Variants in CPAMD8 observed in about 807,000 individuals in gnomAD.
CPAMD8 encodes the protein C3 and PZP like alpha-2-macroglobulin domain containing 8, also known as C3 and PZP-like alpha-2-macroglobulin domain-containing protein 8.
In CPAMD8, 146 loss-of-function variants were observed where a neutral mutation model predicts 224.7. The ratio of observed to expected loss-of-function variants is 0.65; its 90% CI spans 0.57 to 0.75. The LOEUF is 0.75. CPAMD8 is among the 30% of genes least tolerant of loss of function. CPAMD8 has a pLI of 0.00. For synonymous variants in CPAMD8, 966 were observed against 1,044.6 expected (o/e 0.92, Z 1.45); for missense variants, 2,301 against 2,537.5 (o/e 0.91, Z 2.00).
chr19:16,970,253 A>AAAAG (rs1568543023), intron 18 of CPAMD8, among the ~76,000 whole-genome samples: 9 of 150,214 alleles, frequency 6.0e-5, no homozygotes, highest in Non-Finnish European at 8.9e-5. Flanking sequence ...AAAAAAAAAA[A>AAAAG]AAAGAAAGAA....
At chr19:16,952,433 T>C (rs183386740) in intron 19 of CPAMD8, among the ~76,000 whole-genome samples, 57 of 152,276 alleles carry the variant, frequency 3.7e-4, no homozygotes, top group Non-Finnish European at 7.4e-5. Context: ...ATACCAGCAC[T>C]CTGAGAGGCC....
In CPAMD8 at chr19:16,938,327, G is replaced by C. The variant is rs1261251907; in HGVS notation, c.2845+68C>G. The C allele has an allele frequency of 3.7e-6, 3 of 802,516 alleles. No homozygotes were observed. The African/African-American group carries it at 5.5e-5, about 15-fold the overall frequency. 49.7% of individuals were successfully genotyped at this position (802,516 alleles called of 1,614,324 possible). On this transcript the variant is annotated intron_variant, in intron 23 of 41. Coordinates refer to ENST00000443236, the MANE Select transcript of CPAMD8 (RefSeq NM_015692.5). ...GGGACAGCCCCCACAGTGTGGGAAA[G>C]GGGGAAGGCCAAAGTCCTGACCCAG...
intron 18 of CPAMD8, among the ~76,000 whole-genome samples, chr19:16,964,476 C>T (rs1568535992): frequency 1.3e-5 from 2 of 152,088 alleles, no homozygotes; most frequent in Non-Finnish European, 2.9e-5. Context: ...TACACCCTCC[C>T]AAGACTAAAC....
chr19:16,911,652 T>C (rs1264520046), intron 29 of CPAMD8, among the ~76,000 whole-genome samples: 1 of 152,166 alleles, frequency 6.6e-6, no homozygotes, highest in Non-Finnish European at 1.5e-5. Context: ...TTCACGCCAT[T>C]CTCCTGCCTC....
intron 41 of CPAMD8, chr19:16,894,206 C>A (rs2051868571): frequency 8.9e-6 from 3 of 337,820 alleles, no homozygotes; most frequent in South Asian, 6.7e-5. Flanking sequence ...AGCTGTCCCC[C>A]CTGCACCACA....
At chr19:16,940,647 G>A (rs1361520235) in intron 22 of CPAMD8, among the ~76,000 whole-genome samples, 1 of 152,182 alleles carries the variant, frequency 6.6e-6, no homozygotes, top group Non-Finnish European at 1.5e-5. Context: ...GGAGATGCTT[G>A]TCCCCACTCA....
chr19:17,007,198 G>A (rs2056515165), intron 7 of CPAMD8, among the ~76,000 whole-genome samples: 1 of 152,138 alleles, frequency 6.6e-6, no homozygotes, highest in Non-Finnish European at 1.5e-5. Flanking sequence ...GCCAGGCCTG[G>A]TGGCACGTGC....
chr19:16,979,386 TCATCCATCCATC>T (rs55698805), intron 14 of CPAMD8, among the ~76,000 whole-genome samples: 6 of 133,452 alleles, frequency 4.5e-5, no homozygotes, highest in African/African-American at 1.2e-4. Flanking sequence ...ATCTGTCCAT[TCATCCATCCATC>T]CATCCATCCA....
At chr19:16,995,611 G>A (rs893927759) in intron 11 of CPAMD8, among the ~76,000 whole-genome samples, 1 of 152,162 alleles carries the variant, frequency 6.6e-6, no homozygotes, top group Non-Finnish European at 1.5e-5. Context: ...ATGTTGGCCA[G>A]GTTGGTCTTG....
intron 17 of CPAMD8, among the ~76,000 whole-genome samples, chr19:16,974,148 T>C (rs2055168583): frequency 1.3e-5 from 2 of 152,076 alleles, no homozygotes; most frequent in East Asian, 1.9e-4. Flanking sequence ...CTTTTTTTTT[T>C]TGAGACGGAG....
intron 23 of CPAMD8, among the ~76,000 whole-genome samples, chr19:16,932,735 C>T (rs913399167): frequency 6.6e-6 from 1 of 151,654 alleles, no homozygotes; most frequent in Non-Finnish European, 1.5e-5. Flanking sequence ...TTTTGGTGTC[C>T]CAGAAAGTGA....
chr19:16,999,720 C>G (rs1416034668), intron 10 of CPAMD8, among the ~76,000 whole-genome samples: 4 of 152,106 alleles, frequency 2.6e-5, no homozygotes, highest in Non-Finnish European at 5.9e-5. Flanking sequence ...CACTATGTTG[C>G]CCAGGCTGGC....
intron 5 of CPAMD8, 102 bp downstream of exon 5, chr19:17,011,362 A>G (rs1463716753): frequency 8.6e-6 from 11 of 1,278,880 alleles, no homozygotes; most frequent in African/African-American, 1.5e-5. Flanking sequence ...GAAAATAGAA[A>G]AGAGAAGTTC....
At position 16,995,314 on chromosome 19, in the gene CPAMD8, C is replaced by G. The variant is rs555549569; in HGVS notation, c.1096-1728G>C. On this transcript the variant is annotated intron_variant, in intron 11 of 41. Coordinates refer to ENST00000443236, the MANE Select transcript of CPAMD8 (RefSeq NM_015692.5). Reference sequence around the variant, plus strand: ...GGCCAGGGATGTGGCCCACTTTCCCCTTGCATGACACTGGGCTCTGTTGGC... The same window carrying G: ...GGCCAGGGATGTGGCCCACTTTCCCGTTGCATGACACTGGGCTCTGTTGGC... Among the ~76,000 whole-genome samples the G allele has an allele frequency of 3.9e-5, 6 of 152,380 alleles. No homozygotes were observed. In the South Asian group the frequency reaches 1.2e-3, roughly 32 times the overall value.
intron 14 of CPAMD8, among the ~76,000 whole-genome samples, chr19:16,978,015 G>C (rs776724224): frequency 3.3e-5 from 5 of 152,074 alleles, no homozygotes; most frequent in Admixed American, 1.3e-4. Context: ...CCTTCCCTGT[G>C]GGTAAATGAT....
chr19:17,007,052 G>A (rs2056510979), intron 7 of CPAMD8, among the ~76,000 whole-genome samples: 1 of 152,028 alleles, frequency 6.6e-6, no homozygotes, highest in African/African-American at 2.4e-5. Context: ...AGAGGCTGAG[G>A]CCAGGCACGG....
chr19:16,960,892 CA>C (rs879279468), intron 18 of CPAMD8, among the ~76,000 whole-genome samples: 46 of 139,400 alleles, frequency 3.3e-4, no homozygotes, highest in East Asian at 4.1e-4. Flanking sequence ...GACTCCTCCT[CA>C]AAAAAAAAAA....
chr19:16,917,147 C>T (rs2052992700), intron 27 of CPAMD8, among the ~76,000 whole-genome samples: 1 of 152,152 alleles, frequency 6.6e-6, no homozygotes, highest in Admixed American at 6.6e-5. Context: ...ATCCTAACAC[C>T]TTGGGAGGCT....
In CPAMD8 at chr19:16,914,775, C is replaced by A. The variant is rs202014738; in HGVS notation, c.3668G>T (p.Arg1223Leu). Residue 1223 changes from arginine (R) to leucine (L), a missense_variant, in exon 28 of 42, where the codon CGC becomes CTC. This residue lies in a region of CPAMD8 where 1,709 missense variants were observed against 1,753.2 expected (regional missense o/e 0.97). Transcript: ENST00000443236. ...CCGGGGGTCCACGAAGATAAAGCTG[C>A]GAGCCTGTGCGAAGGACTTCAGGAC... Reference protein sequence around the residue: ...AFVLKSFAQARSFIFVDPREL... With the variant: ...AFVLKSFAQALSFIFVDPREL... 2 of 1,613,628 alleles carry A rather than the reference C, an allele frequency of 1.2e-6. No individual in the cohort carries two copies. Among genetic ancestry groups the A allele is most frequent in the Non-Finnish European group, 8.5e-7 (1 of 1,179,788 alleles).
Sources: allele counts gnomAD v4.1 joint callset (sites outside exome capture counted in the v4.1 genomes callset), GRCh38; gene constraint gnomAD v4.1.1; regional missense constraint gnomAD v4.1.1; transcripts MANE v1.5; gene names NCBI Gene and HGNC (gene_info 2026-07-23, HGNC 2026-07-21).